AHNAK: variants seen among roughly 807,000 people sequenced by gnomAD.
AHNAK encodes the protein AHNAK nucleoprotein, also known as neuroblast differentiation-associated protein AHNAK.
In AHNAK, 23 loss-of-function variants were observed where a neutral mutation model predicts 37.8. The observed-to-expected ratio is 0.61, with a 90% CI of 0.44 to 0.86. The LOEUF is 0.86. Among genes scored for constraint, AHNAK ranks in the 40% least tolerant of loss-of-function variants. The pLI, the probability that AHNAK is intolerant of heterozygous loss-of-function variation, is 0.00. For missense variants in AHNAK, 7,411 were observed against 7,319.4 expected (o/e 1.01, Z -0.46); for synonymous variants, 2,481 against 2,636.3 (o/e 0.94, Z 1.80).
At chr11:62,463,700 T>G (rs904636558) in intron 5 of AHNAK, among the ~76,000 whole-genome samples, 1 of 151,888 alleles carries the variant, frequency 6.6e-6, no homozygotes, top group South Asian at 2.1e-4. Context: ...ACTTGCTGGG[T>G]TTTTGGTTTT....
chr11:62,504,609 G>A (rs1385032475), intron 4 of AHNAK, among the ~76,000 whole-genome samples: 1 of 152,082 alleles, frequency 6.6e-6, no homozygotes, highest in East Asian at 1.9e-4. Context: ...GGACAGAGGC[G>A]TGGTTGGCAG....
At position 62,434,025 on chromosome 11, in the gene AHNAK, T is replaced by C. The variant is rs925160376; in HGVS notation, c.443-134A>G. On this transcript the variant is annotated intron_variant, in intron 5 of 5. Coordinates refer to the AHNAK transcript ENST00000257247. ...CTCCTTGCTAGGGCATCCAAACAAA[T>C]GCTTGCCTCTGGAAGGGATAGATTT... 4 of 1,135,586 alleles carry C rather than the reference T, an allele frequency of 3.5e-6. No individual in the cohort carries two copies. In the African/African-American group the frequency reaches 6.2e-5, roughly 18 times the overall value. 70.3% of individuals were successfully genotyped at this position (1,135,586 alleles called of 1,614,324 possible).
At chr11:62,501,857 G>C (rs996264123) in intron 4 of AHNAK, among the ~76,000 whole-genome samples, 1 of 152,194 alleles carries the variant, frequency 6.6e-6, no homozygotes, top group Admixed American at 6.5e-5. Context: ...AGCCAGCCCC[G>C]CATTGCTGCA....
chr11:62,500,791 G>A (rs1002539054), intron 4 of AHNAK, among the ~76,000 whole-genome samples: 2 of 152,180 alleles, frequency 1.3e-5, no homozygotes, highest in Non-Finnish European at 2.9e-5. Flanking sequence ...TGTGTGGACA[G>A]GGAACCAGCA....
Position 62,530,358 on chromosome 11 carries a change from T to C in AHNAK, c.4059A>G (p.Lys1353=). 1.2e-6 allele frequency: 2 copies of C among 1,614,006 alleles called. No homozygotes were observed. The highest frequency in any genetic ancestry group is 2.2e-5 in the South Asian group (2 of 91,072). The change falls in exon 5 of 5, where the codon AAA becomes AAG. Residue 1353 remains lysine (K), a synonymous_variant. Transcript: ENST00000378024. ...VSLPEVEGEM[K]VPDVDIKGPK... ...GCCCTTTAATGTCAACATCTGGCACTTTCATTTCACCTTCTACCTCAGGCA... is the reference window on the plus strand; with the variant it reads ...GCCCTTTAATGTCAACATCTGGCACCTTCATTTCACCTTCTACCTCAGGCA...
chr11:62,519,902 T>A lies in AHNAK; in HGVS notation c.14515A>T (p.Met4839Leu). Residue 4839 changes from methionine (M) to leucine (L), a missense_variant, in exon 5 of 5, where the codon ATG becomes TTG. Physicochemically the swap from Met to Leu is conservative, Grantham distance 15. Transcript: ENST00000378024. ...GGAGCTTTGATATTTATTTCAGGCA[T>A]CTTGAACTTGGGGCCCTTCAGTTTT... ...DAKLKGPKFK[M>L]PEINIKAPKI... 2 of 1,613,954 alleles carry A rather than the reference T, an allele frequency of 1.2e-6. 1 individual carries two copies. Among genetic ancestry groups the A allele is most frequent in the South Asian group, 2.2e-5 (2 of 91,064 alleles).
At chr11:62,486,413 C>A (rs140063043) in intron 5 of AHNAK, among the ~76,000 whole-genome samples, 2 of 151,938 alleles carry the variant, frequency 1.3e-5, no homozygotes, top group African/African-American at 4.8e-5. Context: ...GCGGACGTTG[C>A]GGTGAGCCAA....
chr11:62,537,625 G>A (rs918091515), intron 1 of AHNAK, among the ~76,000 whole-genome samples: 1 of 151,844 alleles, frequency 6.6e-6, no homozygotes, highest in African/African-American at 2.4e-5. Context: ...TGAGAGAACA[G>A]CTTACCCGGG....
At chr11:62,541,483 CAGG>C (rs1157331819) in intron 1 of AHNAK, among the ~76,000 whole-genome samples, 1 of 152,140 alleles carries the variant, frequency 6.6e-6, no homozygotes, top group Non-Finnish European at 1.5e-5. Context: ...CATTCGGAAC[CAGG>C]AGGAGAGGGA....
chr11:62,539,502 T>C (rs1941057882), intron 1 of AHNAK, among the ~76,000 whole-genome samples: 2 of 131,872 alleles, frequency 1.5e-5, no homozygotes, highest in Non-Finnish European at 3.1e-5. Context: ...TGCAAAGGGT[T>C]GAGCCTAAAA....
At chr11:62,496,356 G>C (rs1939608951) in intron 4 of AHNAK, among the ~76,000 whole-genome samples, 1 of 152,094 alleles carries the variant, frequency 6.6e-6, no homozygotes, top group Admixed American at 6.6e-5. Flanking sequence ...AATCACTAGA[G>C]ATTAATATTA....
Position 62,529,686 on chromosome 11 carries a change from G to T in AHNAK, c.4731C>A (p.His1577Gln). 1 of 1,614,042 alleles carries T rather than the reference G, an allele frequency of 6.2e-7. No individual in the cohort carries two copies. The highest frequency in any genetic ancestry group is 8.5e-7 in the Non-Finnish European group (1 of 1,180,006). Residue 1577 changes from histidine to glutamine, a missense_variant, in exon 5 of 5, where the codon CAC becomes CAA. Coordinates refer to ENST00000378024, the MANE Select transcript of AHNAK (RefSeq NM_001620.3). ...FKMPSMNIQT[H>Q]KISMPDVGLN... ...GTCCAACATCAGGCATAGAGATTTT[G>T]TGCGTCTGTATATTCATGCTTGGCA...
Position 62,522,842 on chromosome 11 carries a change from G to T in AHNAK, c.11575C>A (p.Pro3859Thr). Residue 3859 changes from proline (P) to threonine (T), a missense_variant, in exon 5 of 5, where the codon CCC becomes ACC. Physicochemically the swap from Pro to Thr is conservative, Grantham distance 38 (BLOSUM62 -1). Coordinates refer to ENST00000378024, the MANE Select transcript of AHNAK (RefSeq NM_001620.3). The stretch of plus-strand genomic sequence containing the variant: ...TTCATCTCAGGCATCTTGAATTTGG[G>T]ACCTTTCAACTTTCCCTCTGGGCCT... Reference protein sequence around the residue: ...IEGPEGKLKGPKFKMPEMNIK... With the variant: ...IEGPEGKLKGTKFKMPEMNIK... 1 of 1,612,686 alleles carries T rather than the reference G, an allele frequency of 6.2e-7. No individual in the cohort carries two copies. Among genetic ancestry groups the T allele is most frequent in the Non-Finnish European group, 8.5e-7 (1 of 1,179,766 alleles).
chr11:62,508,313 C>T (rs1260553818), intron 4 of AHNAK, among the ~76,000 whole-genome samples: 2 of 152,142 alleles, frequency 1.3e-5, no homozygotes, highest in Non-Finnish European at 2.9e-5. Flanking sequence ...GGCCAAGTCA[C>T]CTCTTCCCAA....
At chr11:62,475,807 G>A (rs1939132591) in intron 5 of AHNAK, among the ~76,000 whole-genome samples, 1 of 151,650 alleles carries the variant, frequency 6.6e-6, no homozygotes, top group Admixed American at 6.6e-5. Context: ...GTTTCACCAT[G>A]TTGGCCAGGC....
rs374546091 is a variant in AHNAK at position 62,537,808 on chromosome 11, G to A, written c.-99-1241C>T. On this transcript the variant is annotated intron_variant, in intron 1 of 4. Transcript: ENST00000378024. ...AGCAATTCTCCTGCCTCAGCCTCCC[G>A]AGTAGCTGGGATTACAGGCGCCCGC... Among the ~76,000 whole-genome samples the A allele has an allele frequency of 9.2e-5, 14 of 151,432 alleles. No homozygotes were observed. The South Asian group carries it at 1.3e-3, about 14-fold the overall frequency.
At position 62,528,056 on chromosome 11, in the gene AHNAK, C is replaced by G. The variant is rs370948520; in HGVS notation, c.6361G>C (p.Asp2121His). 2.5e-6 allele frequency: 4 copies of G among 1,613,820 alleles called. No homozygotes were observed. The highest frequency in any genetic ancestry group is 3.4e-6 in the Non-Finnish European group (4 of 1,179,938). The change falls in exon 5 of 5, where the codon GAT becomes CAT. Residue 2121 changes from aspartate to histidine, a missense_variant. Transcript: ENST00000378024. Reference sequence around the variant, plus strand: ...GGGCCTTTCAAGTGTAAGTCCACATCAGGCATGGAGATCTTGGGGGCCTTG... The same window carrying G: ...GGGCCTTTCAAGTGTAAGTCCACATGAGGCATGGAGATCTTGGGGGCCTTG... ...HFKAPKISMP[D>H]VDLHLKGPKV...
At chr11:62,452,630 GGA>G (rs1268602673) in intron 5 of AHNAK, among the ~76,000 whole-genome samples, 7 of 152,194 alleles carry the variant, frequency 4.6e-5, no homozygotes, top group Non-Finnish European at 8.8e-5. Flanking sequence ...TCATGCTTAG[GGA>G]TGACCCAGAT....
At chr11:62,494,636 G>T (rs925493109) in intron 4 of AHNAK, among the ~76,000 whole-genome samples, 1 of 152,044 alleles carries the variant, frequency 6.6e-6, no homozygotes, top group African/African-American at 2.4e-5. Flanking sequence ...AGAGGCCAAG[G>T]TAGGCAAATG....
Sources: gnomAD v4.1 joint callset for allele counts (sites outside exome capture counted in the v4.1 genomes callset) on GRCh38, gnomAD v4.1.1 for gene constraint, MANE v1.5 for transcripts, NCBI Gene and HGNC (gene_info 2026-07-23, HGNC 2026-07-21) for gene names.